NCAM2: variants seen among roughly 807,000 people sequenced by gnomAD.
The protein encoded by NCAM2 is N-CAM-2.
In NCAM2, 30 loss-of-function variants were observed where a neutral mutation model predicts 98.1. The ratio of observed to expected loss-of-function variants is 0.31; its 90% CI spans 0.23 to 0.41. The LOEUF is 0.41. Among genes scored for constraint, NCAM2 ranks in the 10% least tolerant of loss-of-function variants. The pLI, the probability that NCAM2 is intolerant of heterozygous loss-of-function variation, is 1.00. For missense variants in NCAM2, 867 were observed against 1,005.8 expected (o/e 0.86, Z 1.87); for synonymous variants, 368 against 342.4 (o/e 1.07, Z -0.83).
At chr21:21,054,241 C>T (rs746166587) in intron 1 of NCAM2, among the ~76,000 whole-genome samples, 1 of 151,858 alleles carries the variant, frequency 6.6e-6, no homozygotes, top group Admixed American at 6.6e-5. Context: ...TATTAGGAAC[C>T]TAGGCGTAAG....
At position 21,141,642 on chromosome 21, in the gene NCAM2, A is replaced by T. The variant is rs55989088; in HGVS notation, c.56-138936A>T. ...ATTTCATTCCACTCAAGATGGTCTC[A>T]TTCGTGCTCAAATTTTCTCCTCCTT... On this transcript the variant is annotated intron_variant, in intron 1 of 17. Transcript: ENST00000400546. Among the ~76,000 whole-genome samples, 847 of 152,308 alleles carry T rather than the reference A, an allele frequency of 5.6e-3. 11 individuals carry two copies. The highest frequency in any genetic ancestry group is 0.02 in the African/African-American group (827 of 41,570).
At chr21:21,464,990 T>C (rs183870104) in intron 12 of NCAM2, among the ~76,000 whole-genome samples, 2 of 152,232 alleles carry the variant, frequency 1.3e-5, no homozygotes, top group African/African-American at 2.4e-5. Flanking sequence ...TGTATTATAA[T>C]CTGAGGCTTC....
chr21:21,486,476 A>G (rs1986399610), intron 15 of NCAM2, among the ~76,000 whole-genome samples: 1 of 152,172 alleles, frequency 6.6e-6, no homozygotes, highest in African/African-American at 2.4e-5. Flanking sequence ...ATTGCATATT[A>G]AATTTCTCGA....
chr21:21,309,171 A>G (rs192952687), intron 5 of NCAM2, among the ~76,000 whole-genome samples: 1 of 152,208 alleles, frequency 6.6e-6, no homozygotes, highest in Non-Finnish European at 1.5e-5. Context: ...TTTTTGGCCA[A>G]TTATATTTTA....
At chr21:21,526,058 T>A (rs1190931820) in intron 16 of NCAM2, among the ~76,000 whole-genome samples, 1 of 152,026 alleles carries the variant, frequency 6.6e-6, no homozygotes, top group Non-Finnish European at 1.5e-5. Context: ...TCTTAGTGAG[T>A]AACTAGAAGC....
At chr21:21,104,595 C>T (rs1281140010) in intron 1 of NCAM2, among the ~76,000 whole-genome samples, 2 of 151,456 alleles carry the variant, frequency 1.3e-5, no homozygotes, top group Admixed American at 6.6e-5. Context: ...AATTTTTTTT[C>T]GAAGAGGGTG....
chr21:21,328,134 A>T (rs1011366567), intron 6 of NCAM2, among the ~76,000 whole-genome samples: 2 of 152,206 alleles, frequency 1.3e-5, no homozygotes, highest in East Asian at 3.9e-4. Flanking sequence ...TGGTGGTTCC[A>T]TAAGATTATA....
At chr21:21,501,877 A>G (rs1218484965) in intron 15 of NCAM2, among the ~76,000 whole-genome samples, 1 of 151,988 alleles carries the variant, frequency 6.6e-6, no homozygotes, top group East Asian at 1.9e-4. Flanking sequence ...AGTAATTTAC[A>G]AAGCCATTCA....
At chr21:21,537,103 A>T (rs573665543) in intron 17 of NCAM2, among the ~76,000 whole-genome samples, 12 of 151,968 alleles carry the variant, frequency 7.9e-5, no homozygotes, top group South Asian at 2.1e-4. Context: ...TTTTAATAAT[A>T]ATTATTATTA....
chr21:21,065,591 T>C (rs1237065750), intron 1 of NCAM2, among the ~76,000 whole-genome samples: 1 of 152,186 alleles, frequency 6.6e-6, no homozygotes, highest in Non-Finnish European at 1.5e-5. Flanking sequence ...TCATTAAAAA[T>C]GACGCCTTGA....
intron 1 of NCAM2, among the ~76,000 whole-genome samples, chr21:21,242,986 A>G (rs1320067327): frequency 6.6e-6 from 1 of 151,620 alleles, no homozygotes; most frequent in Non-Finnish European, 1.5e-5. Context: ...TGTATTTTGG[A>G]CTCTCTTATT....
intron 1 of NCAM2, among the ~76,000 whole-genome samples, chr21:21,011,258 A>T (rs2064204925): frequency 6.6e-6 from 1 of 152,104 alleles, no homozygotes; most frequent in Admixed American, 6.6e-5. Context: ...TTTTCATAAA[A>T]GATATGTAGC....
intron 1 of NCAM2, among the ~76,000 whole-genome samples, chr21:21,259,025 A>G (rs566887472): frequency 6.6e-6 from 1 of 152,222 alleles, no homozygotes; most frequent in Admixed American, 6.5e-5. Context: ...GCCTTGCCCC[A>G]TTCATTGCTG....
chr21:21,253,780 T>C (rs1442435807), intron 1 of NCAM2, among the ~76,000 whole-genome samples: 1 of 152,180 alleles, frequency 6.6e-6, no homozygotes, highest in Non-Finnish European at 1.5e-5. Context: ...TTAAAATGCT[T>C]ACGCTATGAA....
In NCAM2 at chr21:21,391,395, C is replaced by T. The variant is rs1043705789; in HGVS notation, c.1195+17382C>T. ...AATGTGCTTATAAGAAAATATGTGTCATAGATAGTATACAAATGAGCAATA... is the reference window on the plus strand; with the variant it reads ...AATGTGCTTATAAGAAAATATGTGTTATAGATAGTATACAAATGAGCAATA... On this transcript the variant is annotated intron_variant, in intron 9 of 17. Coordinates refer to ENST00000400546, the MANE Select transcript of NCAM2 (RefSeq NM_004540.5). 3.3e-5 allele frequency among the ~76,000 whole-genome samples: 5 copies of T among 151,916 alleles called. No individual in the cohort carries two copies. In the East Asian group the frequency reaches 9.6e-4, roughly 29 times the overall value.
intron 1 of NCAM2, among the ~76,000 whole-genome samples, chr21:21,006,119 G>A (rs903526074): frequency 3.3e-5 from 5 of 152,024 alleles, no homozygotes; most frequent in Admixed American, 2.0e-4. Context: ...GATATGATTC[G>A]GTCTTTTTTG....
At chr21:21,214,017 C>G (rs2069765010) in intron 1 of NCAM2, among the ~76,000 whole-genome samples, 3 of 152,084 alleles carry the variant, frequency 2.0e-5, no homozygotes, top group Admixed American at 6.5e-5. Flanking sequence ...GAGGACAGTA[C>G]CTGAACACCA....
chr21:21,188,781 G>A (rs1170017400), intron 1 of NCAM2, among the ~76,000 whole-genome samples: 1 of 152,230 alleles, frequency 6.6e-6, no homozygotes, highest in African/African-American at 2.4e-5. Flanking sequence ...CATAAGATAT[G>A]TGACTGGTTC....
At chr21:21,347,918 C>T (rs527949519) in intron 8 of NCAM2, among the ~76,000 whole-genome samples, 1 of 152,126 alleles carries the variant, frequency 6.6e-6, no homozygotes, top group South Asian at 2.1e-4. Flanking sequence ...AACATCCATT[C>T]ATGATAAAAA....
Sources: gnomAD v4.1 joint callset for allele counts (sites outside exome capture counted in the v4.1 genomes callset) on GRCh38, gnomAD v4.1.1 for gene constraint, MANE v1.5 for transcripts, NCBI Gene and HGNC (gene_info 2026-07-23, HGNC 2026-07-21) for gene names.